The following GRM8 variants were observed in gnomAD, a reference collection of about 807,000 sequenced individuals.
GRM8 encodes the protein metabotropic glutamate receptor 8.
In GRM8, 47 loss-of-function variants were observed where a neutral mutation model predicts 87.2. That is an observed-to-expected ratio of 0.54 (90% CI 0.43 to 0.69). GRM8 has a LOEUF of 0.69. GRM8 is among the 30% of genes least tolerant of loss of function. The pLI is 0.00. For missense variants in GRM8, 1,019 were observed against 1,139.2 expected (o/e 0.89, Z 1.52); for synonymous variants, 396 against 404.5 (o/e 0.98, Z 0.25).
At chr7:126,679,064 T>C (rs1807277162) in intron 7 of GRM8, among the ~76,000 whole-genome samples, 1 of 152,206 alleles carries the variant, frequency 6.6e-6, no homozygotes. Context: ...TGCCACCATT[T>C]TTTTTCGCTT....
chr7:126,814,307 A>G (rs1793569841), intron 6 of GRM8, among the ~76,000 whole-genome samples: 1 of 152,102 alleles, frequency 6.6e-6, no homozygotes, highest in African/African-American at 2.4e-5. Flanking sequence ...TAGAACAGAC[A>G]TTAGAAAAAA....
chr7:126,972,360 T>C (rs1017803663), intron 3 of GRM8, among the ~76,000 whole-genome samples: 1 of 152,208 alleles, frequency 6.6e-6, no homozygotes, highest in African/African-American at 2.4e-5. Context: ...GTTGTACTGA[T>C]GTTGAGTAGA....
chr7:127,182,575 C>T (rs1032034391), intron 2 of GRM8, among the ~76,000 whole-genome samples: 10 of 149,058 alleles, frequency 6.7e-5, no homozygotes, highest in African/African-American at 2.0e-4. Context: ...TCCACAATAG[C>T]GAAATTGTGG....
chr7:127,004,054 A>G (rs1356979963), intron 3 of GRM8, among the ~76,000 whole-genome samples: 2 of 151,758 alleles, frequency 1.3e-5, no homozygotes, highest in East Asian at 3.9e-4. Context: ...ATAAACACAT[A>G]CATTATTAAT....
intron 3 of GRM8, among the ~76,000 whole-genome samples, chr7:126,986,796 A>G (rs1250417516): frequency 3.3e-5 from 5 of 152,232 alleles, no homozygotes; most frequent in Non-Finnish European, 5.9e-5. Flanking sequence ...GTCATATCAA[A>G]GACAACAGGA....
At chr7:126,772,106 T>C (rs968645757) in intron 6 of GRM8, among the ~76,000 whole-genome samples, 1 of 152,132 alleles carries the variant, frequency 6.6e-6, no homozygotes, top group Non-Finnish European at 1.5e-5. Context: ...TACTGAAGGA[T>C]GGTTACAGCA....
intron 7 of GRM8, among the ~76,000 whole-genome samples, chr7:126,750,820 A>G (rs1026626486): frequency 3.9e-5 from 6 of 152,024 alleles, no homozygotes; most frequent in African/African-American, 1.4e-4. Flanking sequence ...TTTTTCACTA[A>G]TAAGTTTTCC....
At chr7:126,586,069 C>A (rs967943627) in intron 8 of GRM8, among the ~76,000 whole-genome samples, 1 of 152,088 alleles carries the variant, frequency 6.6e-6, no homozygotes. Context: ...CATGAATGGA[C>A]TCCCATTCAC....
At chr7:126,503,975 A>T (rs1213193114) in intron 9 of GRM8, among the ~76,000 whole-genome samples, 10 of 152,202 alleles carry the variant, frequency 6.6e-5, no homozygotes, top group Admixed American at 6.5e-4. Flanking sequence ...CTTTGCATGA[A>T]TTAAAACAAA....
At chr7:126,556,172 AAAGC>A (rs1478953722) in intron 8 of GRM8, among the ~76,000 whole-genome samples, 1 of 152,162 alleles carries the variant, frequency 6.6e-6, no homozygotes, top group African/African-American at 2.4e-5. Flanking sequence ...ATAACTCATG[AAAGC>A]AGCTGCATGT....
At chr7:126,537,223 G>C (rs975853781) in intron 8 of GRM8, among the ~76,000 whole-genome samples, 1 of 152,060 alleles carries the variant, frequency 6.6e-6, no homozygotes, top group African/African-American at 2.4e-5. Context: ...TATTATAAAG[G>C]AGACTGTAAT....
chr7:126,533,243 CCAGA>C lies in GRM8; in HGVS notation c.2135_2138del (p.Val712GlyfsTer19). 6.2e-7 allele frequency: 1 copy of C among 1,613,400 alleles called. No homozygotes were observed. The highest frequency in any genetic ancestry group is 8.5e-7 in the Non-Finnish European group (1 of 1,179,866). ...TGATGTGGGGGGGATCCACAACAAA[CCAGA>C]CAAACACTCCAAGGAGCTGGACGGA... On this transcript the variant is annotated frameshift_variant, in exon 9 of 11. Transcript: ENST00000339582. LOFTEE classifies it high-confidence loss of function.
chr7:126,614,575 T>C (rs62477892), intron 7 of GRM8, among the ~76,000 whole-genome samples: 48,661 of 152,008 alleles, frequency 0.32, 8,415 homozygotes, highest in East Asian at 0.43. Context: ...CAAACTTCTC[T>C]GAGCTAAAGG....
At chr7:127,033,602 T>C (rs1749333355) in intron 3 of GRM8, among the ~76,000 whole-genome samples, 1 of 152,152 alleles carries the variant, frequency 6.6e-6, no homozygotes. Flanking sequence ...TCATGTATGT[T>C]AGAACCAGAA....
chr7:126,466,458 C>T (rs1422008085), intron 9 of GRM8, among the ~76,000 whole-genome samples: 1 of 151,820 alleles, frequency 6.6e-6, no homozygotes, highest in Non-Finnish European at 1.5e-5. Flanking sequence ...CCATATTAGT[C>T]AGGGTTCTCC....
At chr7:126,768,752 T>G (rs1024466102) in intron 7 of GRM8, among the ~76,000 whole-genome samples, 3 of 152,006 alleles carry the variant, frequency 2.0e-5, no homozygotes, top group African/African-American at 7.2e-5. Context: ...TATTGCAACA[T>G]TCCTCTTTTG....
intron 2 of GRM8, among the ~76,000 whole-genome samples, chr7:127,208,960 C>T (rs899506999): frequency 6.6e-6 from 1 of 152,232 alleles, no homozygotes; most frequent in African/African-American, 2.4e-5. Context: ...CCATTTCCCA[C>T]AGGAGCTTTA....
At chr7:126,947,098 G>C (rs546415306) in intron 3 of GRM8, among the ~76,000 whole-genome samples, 2 of 152,154 alleles carry the variant, frequency 1.3e-5, no homozygotes, top group African/African-American at 4.8e-5. Flanking sequence ...GGTGTGTCAT[G>C]TCAAGTACCC....
chr7:126,667,875 G>A (rs1323699167), intron 7 of GRM8, among the ~76,000 whole-genome samples: 1 of 152,224 alleles, frequency 6.6e-6, no homozygotes, highest in Non-Finnish European at 1.5e-5. Flanking sequence ...GCAGAGGACA[G>A]GATGCAAGAG....
Sources: allele counts gnomAD v4.1 joint callset (sites outside exome capture counted in the v4.1 genomes callset), GRCh38; gene constraint gnomAD v4.1.1; transcripts MANE v1.5; gene names NCBI Gene and HGNC (gene_info 2026-07-23, HGNC 2026-07-21).